HMGN5: variants seen among roughly 807,000 people sequenced by gnomAD.
HMGN5 encodes high mobility group nucleosome-binding domain-containing protein 5.
In HMGN5, 4 loss-of-function variants were observed where a neutral mutation model predicts 9.5. The ratio of observed to expected loss-of-function variants is 0.42; its 90% CI spans 0.21 to 0.96. HMGN5 has a LOEUF of 0.96. Among genes scored for constraint, HMGN5 ranks in the 40% least tolerant of loss-of-function variants. The probability of loss-of-function intolerance (pLI) is 0.30; values close to 1 mark genes in which losing one functional copy is unlikely to be tolerated. For missense variants in HMGN5, 192 were observed against 187.5 expected (o/e 1.02, Z -0.14); for synonymous variants, 55 against 57.1 (o/e 0.96, Z 0.16).
At position 81,125,900 on chromosome X, in the gene HMGN5, C is replaced by T. The variant is rs182704031; in HGVS notation, c.-123-4228G>A. ...TGGTGGCTCGCGTCTGTAATCCCAG[C>T]TCTTTGGGACGCTGAGGCGGGTGGA... On this transcript the variant is annotated intron_variant, in intron 1 of 6. Coordinates refer to ENST00000358130, the MANE Select transcript of HMGN5 (RefSeq NM_030763.3). 4.5e-5 allele frequency among the ~76,000 whole-genome samples: 5 copies of T among 111,076 alleles called. No individual in the cohort carries two copies. The East Asian group carries it at 1.4e-3, about 31-fold the overall frequency.
chrX:81,130,300 C>T (rs1046940542), intron 1 of HMGN5, among the ~76,000 whole-genome samples: 8 of 111,341 alleles, frequency 7.2e-5, no homozygotes, highest in African/African-American at 2.6e-4. Context: ...GTAAGATATG[C>T]TTTAAATTAA....
chrX:81,119,165 A>AT (rs1010269743), intron 3 of HMGN5, among the ~76,000 whole-genome samples: 4 of 111,394 alleles, frequency 3.6e-5, no homozygotes, highest in Non-Finnish European at 5.7e-5. Flanking sequence ...CTATATATAC[A>AT]TTTTTTTCAC....
At chrX:81,200,638 A>C (rs902179739) in intron 1 of HMGN5, among the ~76,000 whole-genome samples, 3 of 111,596 alleles carry the variant, frequency 2.7e-5, no homozygotes, top group Admixed American at 9.5e-5. Flanking sequence ...GTTCTCACTC[A>C]TATGTGGGAG....
chrX:81,144,040 G>A (rs2075336546), intron 1 of HMGN5, among the ~76,000 whole-genome samples: 1 of 111,643 alleles, frequency 9.0e-6, no homozygotes, highest in Admixed American at 9.5e-5. Flanking sequence ...TTGGGACAGA[G>A]CACTTGGGGG....
chrX:81,185,907 T>C (rs1434232539), intron 1 of HMGN5, among the ~76,000 whole-genome samples: 1 of 112,026 alleles, frequency 8.9e-6, no homozygotes, highest in African/African-American at 3.2e-5. Context: ...CTTTATATGA[T>C]GTATAACAAT....
chrX:81,141,232 G>A (rs111967521), intron 1 of HMGN5, among the ~76,000 whole-genome samples: 6,560 of 111,686 alleles, frequency 0.059, 206 homozygotes, highest in Non-Finnish European at 0.097. Flanking sequence ...GTGCCTGGGG[G>A]AAGTCTTCAC....
At chrX:81,186,545 C>T (rs2075477987) in intron 1 of HMGN5, among the ~76,000 whole-genome samples, 1 of 111,411 alleles carries the variant, frequency 9.0e-6, no homozygotes, top group South Asian at 3.7e-4. Flanking sequence ...TTCAGAACAC[C>T]AACTTTCTGT....
intron 1 of HMGN5, among the ~76,000 whole-genome samples, chrX:81,167,154 AT>A (rs1301051637): frequency 9.0e-6 from 1 of 111,003 alleles, no homozygotes; most frequent in Non-Finnish European, 1.9e-5. Context: ...CTTGGAGGGA[AT>A]TAGGTTTATT....
Position 81,115,038 on chromosome X carries a change from C to T in HMGN5, c.460G>A (p.Glu154Lys). Residue 154 changes from glutamate (E) to lysine (K), a missense_variant, in exon 7 of 7, where the codon GAA becomes AAA. Transcript: ENST00000358130. ...TTTTTATCCTCTTTTCCATCTTCTT[C>T]CCCTTTTTCATCTTTGTCTTCTTTT... Reference protein sequence around the residue: ...AGKEDKDEKGEEDGKEDKNGN... With the variant: ...AGKEDKDEKGKEDGKEDKNGN... The T allele has an allele frequency of 8.6e-7, 1 of 1,156,319 alleles. No homozygotes were observed. Among genetic ancestry groups the T allele is most frequent in the East Asian group, 3.3e-5 (1 of 30,478 alleles).
chrX:81,143,489 C>G, intron 1 of HMGN5, among the ~76,000 whole-genome samples: 1 of 112,159 alleles, frequency 8.9e-6, no homozygotes. Flanking sequence ...CTCATTGGGA[C>G]TGGTTGGACA....
chrX:81,155,100 TATAC>T (rs2075379278), intron 1 of HMGN5, among the ~76,000 whole-genome samples: 1 of 94,206 alleles, frequency 1.1e-5, no homozygotes. Context: ...TATATATATA[TATAC>T]ACACACACAT....
chrX:81,121,453 C>A lies in HMGN5; in HGVS notation c.15+82G>T, dbSNP rs368636559. 5.9e-4 allele frequency: 611 copies of A among 1,029,566 alleles called. 1 individual carries two copies. Among genetic ancestry groups the A allele is most frequent in the African/African-American group, 5.7e-3 (305 of 53,466 alleles). The allele number at this position is 1,029,566 out of a possible 1,213,427, so 84.8% of individuals were successfully genotyped here. A position where few individuals can be genotyped will look rare whatever the true frequency, so the allele number is the denominator to read the frequency against. On this transcript the variant is annotated intron_variant, in intron 2 of 6. Transcript: ENST00000358130. Reference sequence around the variant, plus strand: ...AGAAGCCAAAAAGCTTTAAAAAAAACCAAACAAACAAATAAATTCTTCCTA... The same window carrying A: ...AGAAGCCAAAAAGCTTTAAAAAAAAACAAACAAACAAATAAATTCTTCCTA...
At chrX:81,156,699 C>A (rs2075383965) in intron 1 of HMGN5, among the ~76,000 whole-genome samples, 1 of 111,294 alleles carries the variant, frequency 9.0e-6, no homozygotes, top group African/African-American at 3.3e-5. Context: ...CTTTGCTCAC[C>A]ACTGTATCCC....
intron 1 of HMGN5, among the ~76,000 whole-genome samples, chrX:81,158,585 C>A (rs1181804569): frequency 8.9e-6 from 1 of 112,119 alleles, no homozygotes; most frequent in Non-Finnish European, 1.9e-5. Flanking sequence ...GATGGATAGG[C>A]TGCAAAAATT....
chrX:81,151,220 C>G (rs2075361146), intron 1 of HMGN5, among the ~76,000 whole-genome samples: 1 of 111,713 alleles, frequency 9.0e-6, no homozygotes, highest in African/African-American at 3.3e-5. Flanking sequence ...TTCCCCATTG[C>G]TTGTTTTTCT....
At chrX:81,184,934 T>G (rs898342098) in intron 1 of HMGN5, among the ~76,000 whole-genome samples, 2 of 111,731 alleles carry the variant, frequency 1.8e-5, no homozygotes. Flanking sequence ...TGAGTTCACT[T>G]TAGGTGTGTG....
chrX:81,131,813 A>T (rs2075298278), intron 1 of HMGN5, among the ~76,000 whole-genome samples: 1 of 111,339 alleles, frequency 9.0e-6, no homozygotes, highest in South Asian at 3.8e-4. Context: ...CAAGACAAAG[A>T]TGCCCCATCT....
At chrX:81,161,198 C>T (rs924885495) in intron 1 of HMGN5, among the ~76,000 whole-genome samples, 2 of 110,758 alleles carry the variant, frequency 1.8e-5, no homozygotes, top group Non-Finnish European at 3.8e-5. Flanking sequence ...GTTGTGACGA[C>T]TGACCCCTGG....
intron 1 of HMGN5, among the ~76,000 whole-genome samples, chrX:81,125,191 C>A (rs2075279719): frequency 9.2e-6 from 1 of 109,264 alleles, no homozygotes; most frequent in South Asian, 3.9e-4. Flanking sequence ...TTTATTTTCT[C>A]TGTTAAAATA....
Sources: allele counts gnomAD v4.1 joint callset (sites outside exome capture counted in the v4.1 genomes callset), GRCh38; gene constraint gnomAD v4.1.1; transcripts MANE v1.5; gene names NCBI Gene and HGNC (gene_info 2026-07-23, HGNC 2026-07-21).